The following SMIM14 variants were observed in gnomAD, a reference collection of about 807,000 sequenced individuals.
SMIM14 encodes chromosome 4 open reading frame 34.
SMIM14 carries 5 observed loss-of-function variants against 12.6 expected under a neutral mutation model. That is an observed-to-expected ratio of 0.40 (90% CI 0.21 to 0.83). The LOEUF (loss-of-function observed/expected upper bound fraction) is 0.83, where lower values mean the gene tolerates loss of function less well. Among genes scored for constraint, SMIM14 ranks in the 40% least tolerant of loss-of-function variants. The probability of loss-of-function intolerance (pLI) is 0.37; values close to 1 mark genes in which losing one functional copy is unlikely to be tolerated. For synonymous variants in SMIM14, 30 were observed against 40.1 expected (o/e 0.75, Z 0.95); for missense variants, 86 against 119.1 (o/e 0.72, Z 1.29).
intron 1 of SMIM14, among the ~76,000 whole-genome samples, chr4:39,628,166 G>T (rs1715768647): frequency 6.6e-6 from 1 of 150,922 alleles, no homozygotes; most frequent in Admixed American, 6.6e-5. Flanking sequence ...AATTAGCCAG[G>T]TGTGGCGGCA....
chr4:39,588,956 C>T (rs1001899793), intron 2 of SMIM14, among the ~76,000 whole-genome samples: 17 of 152,044 alleles, frequency 1.1e-4, no homozygotes, highest in African/African-American at 3.9e-4. Flanking sequence ...AGGAAAGGTC[C>T]GATGGGCCTT....
rs1368672512 is a variant in SMIM14 at position 39,551,703 on chromosome 4, A to C, written c.*423T>G. ...TTTCACACAATCCCAGACAACCCCAAATAACTTTATAAATACCTTATGAAA... is the reference window on the plus strand; with the variant it reads ...TTTCACACAATCCCAGACAACCCCACATAACTTTATAAATACCTTATGAAA... On this transcript the variant is annotated 3_prime_UTR_variant, in exon 5 of 5. Coordinates refer to ENST00000295958, the MANE Select transcript of SMIM14 (RefSeq NM_174921.3). 1 of 153,094 alleles carries C rather than the reference A, an allele frequency of 6.5e-6. No individual in the cohort carries two copies. Among genetic ancestry groups the C allele is most frequent in the African/African-American group, 2.4e-5 (1 of 41,474 alleles). The allele number at this position is 153,094 out of a possible 1,614,324, so 9.5% of individuals were successfully genotyped here.
intron 1 of SMIM14, among the ~76,000 whole-genome samples, chr4:39,611,753 C>T (rs1715043966): frequency 3.3e-5 from 5 of 152,140 alleles, no homozygotes; most frequent in African/African-American, 1.2e-4. Context: ...TACTGGAATA[C>T]TGTAACAGCA....
intron 3 of SMIM14, among the ~76,000 whole-genome samples, chr4:39,557,146 G>A (rs1315569176): frequency 6.6e-6 from 1 of 151,936 alleles, no homozygotes; most frequent in Non-Finnish European, 1.5e-5. Context: ...TGAGTAGCTG[G>A]GATTACAGGC....
chr4:39,621,686 C>CTT (rs57206633), intron 1 of SMIM14, among the ~76,000 whole-genome samples: 189 of 105,408 alleles, frequency 1.8e-3, no homozygotes, highest in Non-Finnish European at 2.9e-3. Flanking sequence ...CCAAACGTTT[C>CTT]TTTTTTTTTT....
chr4:39,588,014 A>G (rs541006745), intron 2 of SMIM14: 3 of 152,334 alleles, frequency 2.0e-5, no homozygotes, highest in South Asian at 2.1e-4. Context: ...CTAACTGACA[A>G]TACTAGCTAA....
chr4:39,571,095 A>G (rs546921718), intron 3 of SMIM14, among the ~76,000 whole-genome samples: 1 of 152,288 alleles, frequency 6.6e-6, no homozygotes, highest in East Asian at 1.9e-4. Context: ...TCTGTCACCT[A>G]CATATACCAT....
At chr4:39,633,972 G>C (rs553422600) in intron 1 of SMIM14, among the ~76,000 whole-genome samples, 1 of 152,110 alleles carries the variant, frequency 6.6e-6, no homozygotes, top group African/African-American at 2.4e-5. Context: ...TCGCTCTGTC[G>C]CAAGGCTGGA....
intron 3 of SMIM14, among the ~76,000 whole-genome samples, chr4:39,559,053 T>G (rs376658677): frequency 5.5e-4 from 84 of 152,306 alleles, no homozygotes; most frequent in African/African-American, 2.0e-3. Flanking sequence ...AACCAAGCTA[T>G]CCACTTGGAC....
In SMIM14 at chr4:39,567,957, T is replaced by C. The variant is rs117673165; in HGVS notation, c.124+4458A>G. 6.1e-4 allele frequency among the ~76,000 whole-genome samples: 93 copies of C among 151,888 alleles called. 1 individual carries two copies. In the East Asian group the frequency reaches 0.017, roughly 27 times the overall value. On this transcript the variant is annotated intron_variant, in intron 3 of 4. Transcript: ENST00000295958. ...ACCCCAAACCATATTCAGTGCCAAA[T>C]GTTAAAGCCCAAATAGATTGTATAA...
chr4:39,628,123 A>G (rs771770950), intron 1 of SMIM14, among the ~76,000 whole-genome samples: 7 of 151,984 alleles, frequency 4.6e-5, no homozygotes, highest in Non-Finnish European at 7.4e-5. Flanking sequence ...CCTGGCCAAC[A>G]TGGTGAAACG....
At chr4:39,601,590 T>A (rs1714613040) in intron 2 of SMIM14, among the ~76,000 whole-genome samples, 1 of 151,980 alleles carries the variant, frequency 6.6e-6, no homozygotes, top group Non-Finnish European at 1.5e-5. Flanking sequence ...TAACTTAGAG[T>A]TCTATAAAGC....
chr4:39,632,950 T>G (rs1365551967), intron 1 of SMIM14, among the ~76,000 whole-genome samples: 4 of 144,310 alleles, frequency 2.8e-5, no homozygotes, highest in African/African-American at 1.0e-4. Context: ...TGCAAGTATG[T>G]ATATATATAT....
At chr4:39,553,595 G>GTTT (rs370247858) in intron 4 of SMIM14, among the ~76,000 whole-genome samples, 1 of 140,784 alleles carries the variant, frequency 7.1e-6, no homozygotes, top group Non-Finnish European at 1.6e-5. Flanking sequence ...AATAATGCCG[G>GTTT]TTTTTTTTTT....
Position 39,555,349 on chromosome 4 carries a change from C to T in SMIM14, c.267+1079G>A, listed in dbSNP as rs190685563. Among the ~76,000 whole-genome samples the T allele has an allele frequency of 6.6e-5, 10 of 152,014 alleles. No individual in the cohort carries two copies. In the East Asian group the frequency reaches 1.7e-3, roughly 27 times the overall value. On this transcript the variant is annotated intron_variant, in intron 4 of 4. Transcript: ENST00000295958. ...CTGAGCTCAAACGATTCTCATGCCTCGGCCTCCTGAGTAGCTGAGACTACA... is the reference window on the plus strand; with the variant it reads ...CTGAGCTCAAACGATTCTCATGCCTTGGCCTCCTGAGTAGCTGAGACTACA...
At chr4:39,560,897 C>T (rs997839227) in intron 3 of SMIM14, among the ~76,000 whole-genome samples, 1 of 152,072 alleles carries the variant, frequency 6.6e-6, no homozygotes, top group African/African-American at 2.4e-5. Flanking sequence ...CTTGTATCTG[C>T]CCACTTTTAG....
intron 1 of SMIM14, among the ~76,000 whole-genome samples, chr4:39,609,181 C>T (rs959223434): frequency 6.6e-6 from 1 of 151,940 alleles, no homozygotes; most frequent in Non-Finnish European, 1.5e-5. Context: ...AGTGTTTCAC[C>T]ATGTTAGCCA....
chr4:39,625,846 T>C (rs1314164254), intron 1 of SMIM14, among the ~76,000 whole-genome samples: 2 of 152,316 alleles, frequency 1.3e-5, no homozygotes, highest in East Asian at 1.9e-4. Flanking sequence ...CAACAGAAGT[T>C]TATTTTCCAC....
intron 1 of SMIM14, among the ~76,000 whole-genome samples, chr4:39,632,655 G>T (rs185935947): frequency 6.6e-6 from 1 of 151,334 alleles, no homozygotes; most frequent in Non-Finnish European, 1.5e-5. Flanking sequence ...TTAGCCAGGC[G>T]TGGTCTCAGC....
Sources: gnomAD v4.1 joint callset for allele counts (sites outside exome capture counted in the v4.1 genomes callset) on GRCh38, gnomAD v4.1.1 for gene constraint, MANE v1.5 for transcripts, NCBI Gene and HGNC (gene_info 2026-07-23, HGNC 2026-07-21) for gene names.